The following ANP32A variants were observed in gnomAD, a reference collection of about 807,000 sequenced individuals.
ANP32A encodes the protein acidic leucine-rich nuclear phosphoprotein 32 family member A.
ANP32A carries 1 observed loss-of-function variant against 33.9 expected under a neutral mutation model. The ratio of observed to expected loss-of-function variants is 0.03; its 90% CI spans 0.01 to 0.14. ANP32A has a LOEUF of 0.14. ANP32A is among the 10% of genes least tolerant of loss of function. The pLI is 1.00. For missense variants in ANP32A, 155 were observed against 306.0 expected (o/e 0.51, Z 3.68); for synonymous variants, 115 against 120.5 (o/e 0.95, Z 0.30).
At chr15:68,792,311 G>A (rs1010878686) in intron 1 of ANP32A, 2 of 152,132 alleles carry the variant, frequency 1.3e-5, no homozygotes, top group Non-Finnish European at 2.9e-5. Flanking sequence ...GCTTGTATCA[G>A]AAGCTTTTCC....
chr15:68,807,429 G>GGT lies in ANP32A; in HGVS notation c.54+13268_54+13269insAC, dbSNP rs1555424026. 3.8e-5 allele frequency among the ~76,000 whole-genome samples: 5 copies of GGT among 131,576 alleles called. No homozygotes were observed. In the East Asian group the frequency reaches 1.4e-3, roughly 36 times the overall value. 86.3% of individuals were successfully genotyped at this position (131,576 alleles called of 152,430 possible). On this transcript the variant is annotated intron_variant, in intron 1 of 6. Transcript: ENST00000465139. ...TCCCGCCCCACCTCCACAGAAAACGGGGGGGGGGGAGTCTCTCCTTTGCCC... is the reference window on the plus strand; with the variant it reads ...TCCCGCCCCACCTCCACAGAAAACGGGTGGGGGGGGGAGTCTCTCCTTTGCCC...
At chr15:68,813,275 A>G (rs1894336397) in intron 1 of ANP32A, among the ~76,000 whole-genome samples, 1 of 152,222 alleles carries the variant, frequency 6.6e-6, no homozygotes, top group South Asian at 2.1e-4. Flanking sequence ...AGGGACTTTT[A>G]TCTTCCTTAG....
At chr15:68,809,427 T>G (rs1381880057) in intron 1 of ANP32A, among the ~76,000 whole-genome samples, 1 of 152,246 alleles carries the variant, frequency 6.6e-6, no homozygotes, top group Admixed American at 6.5e-5. Flanking sequence ...GCCAATCCAC[T>G]GGGATGCAAG....
intron 1 of ANP32A, among the ~76,000 whole-genome samples, chr15:68,811,770 C>T (rs1446348890): frequency 2.0e-5 from 3 of 152,252 alleles, no homozygotes; most frequent in Admixed American, 2.0e-4. Flanking sequence ...GAGTTTCGCT[C>T]GTTGCCCAGG....
Position 68,780,448 on chromosome 15 carries a change from C to T in ANP32A, c.650G>A (p.Gly217Glu). The T allele has an allele frequency of 1.9e-6, 3 of 1,614,016 alleles. No individual in the cohort carries two copies. The highest frequency in any genetic ancestry group is 2.5e-6 in the Non-Finnish European group (3 of 1,179,906). Residue 217 changes from glycine (G) to glutamate (E), a missense_variant, in exon 6 of 7, where the codon GGA (glycine) becomes GAA (glutamate). By Grantham distance (98) the Gly-to-Glu change is moderately conservative. This residue lies in a region of ANP32A where 63 missense variants were observed against 82.8 expected (regional missense o/e 0.76). Coordinates refer to ENST00000465139, the MANE Select transcript of ANP32A (RefSeq NM_006305.4). This position sits in a 1 kb window ranked among gnomAD's most constrained non-coding sequence, Gnocchi z 4.3. ...EEEDEEGYNDGEVDDEEDEEE... is the reference protein window; with the variant it reads ...EEEDEEGYNDEEVDDEEDEEE... ...TTCATCTTCCTCGTCATCTACCTCT[C>T]CATCGTTATAACCTTCTTCATCCTC...
chr15:68,808,111 T>G (rs1894262205), intron 1 of ANP32A, among the ~76,000 whole-genome samples: 2 of 152,252 alleles, frequency 1.3e-5, no homozygotes, highest in African/African-American at 2.4e-5. Flanking sequence ...CTGGTTTCTC[T>G]GCTCCATTTT....
intron 3 of ANP32A, 134 bp from the exon 4 acceptor site, chr15:68,784,729 A>T (rs1263800531): frequency 2.8e-6 from 3 of 1,074,812 alleles, no homozygotes; most frequent in African/African-American, 1.6e-5. Context: ...GGAAGCTTGG[A>T]TTTGGCTCTG....
intron 1 of ANP32A, among the ~76,000 whole-genome samples, chr15:68,819,867 C>T (rs1894446816): frequency 6.6e-6 from 1 of 152,174 alleles, no homozygotes; most frequent in Non-Finnish European, 1.5e-5. Context: ...TTTATCCTCC[C>T]TTCGGAAGGA....
At chr15:68,782,776 C>G in intron 5 of ANP32A, 180 bp downstream of exon 5, 1 of 1,164,718 alleles carries the variant, frequency 8.6e-7, no homozygotes. Flanking sequence ...GAGCTTACTG[C>G]AAGTCTTGTC....
chr15:68,792,407 G>C (rs1344375634), intron 1 of ANP32A, among the ~76,000 whole-genome samples: 2 of 152,136 alleles, frequency 1.3e-5, no homozygotes, highest in African/African-American at 4.8e-5. Context: ...TCATAAGAGA[G>C]GTCAGTGAGG....
At chr15:68,798,399 G>A (rs923816578) in intron 1 of ANP32A, among the ~76,000 whole-genome samples, 1 of 152,168 alleles carries the variant, frequency 6.6e-6, no homozygotes, top group East Asian at 1.9e-4. Flanking sequence ...TGGTGTAAGC[G>A]TCTGCCCCAT....
chr15:68,795,752 C>A (rs541695997), intron 1 of ANP32A, among the ~76,000 whole-genome samples: 1 of 152,238 alleles, frequency 6.6e-6, no homozygotes, highest in South Asian at 2.1e-4. Flanking sequence ...CTAGCTGGGC[C>A]CCTCCCTGAT....
At chr15:68,793,058 C>T (rs1463064626) in intron 1 of ANP32A, among the ~76,000 whole-genome samples, 1 of 152,144 alleles carries the variant, frequency 6.6e-6, no homozygotes, top group Non-Finnish European at 1.5e-5. Flanking sequence ...CTTCTCCAAC[C>T]CAGCTCTGTG....
intron 5 of ANP32A, among the ~76,000 whole-genome samples, chr15:68,782,296 C>T (rs930569386): frequency 2.6e-5 from 4 of 152,186 alleles, no homozygotes; most frequent in African/African-American, 4.8e-5. Flanking sequence ...AAGCATTTTA[C>T]TTACACTTCA....
At chr15:68,802,098 G>C (rs1241347032) in intron 1 of ANP32A, among the ~76,000 whole-genome samples, 2 of 152,198 alleles carry the variant, frequency 1.3e-5, no homozygotes, top group Non-Finnish European at 2.9e-5. Context: ...TCACCATACG[G>C]ATAGGGAGGC....
In ANP32A at chr15:68,780,042, CAAATCACA is replaced by C. The variant is rs779448862; in HGVS notation, c.*31_*38del. The C allele has an allele frequency of 6.3e-7, 1 of 1,596,258 alleles. No homozygotes were observed. Among genetic ancestry groups the C allele is most frequent in the Admixed American group, 1.7e-5 (1 of 59,474 alleles). On this transcript the variant is annotated 3_prime_UTR_variant, in exon 7 of 7. Coordinates refer to ENST00000465139, the MANE Select transcript of ANP32A (RefSeq NM_006305.4). The surrounding 1 kb of genome is among the most constrained non-coding windows in gnomAD (Gnocchi z 4.3). ...GAGAGGGGATATGGGTAAAAACAGTCAAATCACAATAGGAATTTTTCAAAATAGGTTAT... is the reference window on the plus strand; with the variant it reads ...GAGAGGGGATATGGGTAAAAACAGTCATAGGAATTTTTCAAAATAGGTTAT...
At position 68,787,401 on chromosome 15, in the gene ANP32A, C is replaced by T. The variant is rs768872037; in HGVS notation, c.327+12G>A. 1.5e-5 allele frequency: 24 copies of T among 1,613,982 alleles called. No individual in the cohort carries two copies. Among genetic ancestry groups the T allele is most frequent in the Middle Eastern group, 1.6e-4 (1 of 6,082 alleles). On this transcript the variant is annotated intron_variant, in intron 3 of 6. Transcript: ENST00000465139. ...CTACCCCTGCAGGGAGGGGAGGGTC[C>T]GAATGACTTACCAGTGGCTCTATTG... is the stretch of plus-strand genomic sequence containing the variant.
At position 68,780,545 on chromosome 15, in the gene ANP32A, G is replaced by C. The variant is rs189760236; in HGVS notation, c.625-72C>G. 2 of 1,592,488 alleles carry C rather than the reference G, an allele frequency of 1.3e-6. No homozygotes were observed. Among genetic ancestry groups the C allele is most frequent in the Non-Finnish European group, 1.7e-6 (2 of 1,170,358 alleles). The stretch of plus-strand genomic sequence containing the variant: ...GGACATGCTGAGGAAGCCACACAGA[G>C]CACAAAAAGGCCGGGGTCACCCCCA... On this transcript the variant is annotated intron_variant, in intron 5 of 6. Coordinates refer to ENST00000465139, the MANE Select transcript of ANP32A (RefSeq NM_006305.4). The surrounding 1 kb of genome is among the most constrained non-coding windows in gnomAD (Gnocchi z 4.3).
intron 1 of ANP32A, among the ~76,000 whole-genome samples, chr15:68,794,550 G>A (rs766433559): frequency 4.6e-5 from 7 of 152,152 alleles, no homozygotes; most frequent in Non-Finnish European, 7.3e-5. Flanking sequence ...TTTGGTGCTC[G>A]TGGGTTTTAA....
Sources: gnomAD v4.1 joint callset for allele counts (sites outside exome capture counted in the v4.1 genomes callset) on GRCh38, gnomAD v4.1.1 for gene constraint, gnomAD v4.1.1 regional missense constraint, Gnocchi (gnomAD v3.1) non-coding constraint, MANE v1.5 for transcripts, NCBI Gene and HGNC (gene_info 2026-07-23, HGNC 2026-07-21) for gene names.